The following CCDC88C variants were observed in gnomAD, a reference collection of about 807,000 sequenced individuals.
CCDC88C encodes the protein coiled-coil and HOOK domain protein 88C.
Under a neutral mutation model 198.8 loss-of-function variants are expected in CCDC88C, and 131 were observed. The observed-to-expected ratio is 0.66, with a 90% confidence interval of 0.57 to 0.76. CCDC88C has a LOEUF of 0.76. Among genes scored for constraint, CCDC88C ranks in the 30% least tolerant of loss-of-function variants. The pLI is 0.00. For missense variants in CCDC88C, 2,553 were observed against 2,631.6 expected, an observed-to-expected ratio of 0.97 and a Z score of 0.65; for synonymous variants, 1,166 against 1,114.7, an observed-to-expected ratio of 1.05 and a Z score of -0.92.
At position 91,314,012 on chromosome 14, in the gene CCDC88C, C is replaced by T. The variant is rs772884679; in HGVS notation, c.1804G>A (p.Ala602Thr). The change falls in exon 15 of 30, where the codon GCC (alanine) becomes ACC (threonine). Residue 602 changes from alanine to threonine, a missense_variant. Ala to Thr is a moderately conservative substitution (Grantham distance 58). Transcript: ENST00000389857. ...NKALHQTVTE[A>T]NGKLSQLEFE... ...TCCAACTGGCTGAGCTTGCCATTGG[C>T]CTCCGTCACCGTCTGGTGGAGGGCT... The T allele has an allele frequency of 6.2e-7, 1 of 1,613,938 alleles. No individual in the cohort carries two copies. Among genetic ancestry groups the T allele is most frequent in the Non-Finnish European group, 8.5e-7 (1 of 1,179,872 alleles).
At chr14:91,297,172 T>C (rs1891043197) in intron 22 of CCDC88C, 133 bp downstream of exon 22, 7 of 925,432 alleles carry the variant, frequency 7.6e-6, no homozygotes, top group Non-Finnish European at 1.1e-5. Context: ...CCGCAGCCTC[T>C]GTGCCACCTC....
intron 2 of CCDC88C, among the ~76,000 whole-genome samples, chr14:91,412,189 T>C (rs1596175980): frequency 6.6e-6 from 1 of 151,828 alleles, no homozygotes; most frequent in Middle Eastern, 3.4e-3. Context: ...ATGCTAAATG[T>C]TTTTATATAT....
rs1892343209 is a variant in CCDC88C at position 91,321,232 on chromosome 14, T to G, written c.1415A>C (p.Asn472Thr). 1 of 1,602,602 alleles carries G rather than the reference T, an allele frequency of 6.2e-7. No homozygotes were observed. The highest frequency in any genetic ancestry group is 1.3e-5 in the African/African-American group (1 of 74,654). ...CTGGATGGTGCTCTGGAGGCTCTGA[T>G]TCTCCTTCTCCAGCTTCAGGATGCG... ...SSRILKLEKE[N>T]QSLQSTIQGL... Residue 472 changes from asparagine to threonine, a missense_variant, in exon 13 of 30, where the codon AAT (asparagine) becomes ACT (threonine). By Grantham distance (65) the Asn-to-Thr change is moderately conservative (BLOSUM62 0). This residue lies in a region of CCDC88C where 1,260 missense variants were observed against 1,412.0 expected (regional missense o/e 0.89). Transcript: ENST00000389857.
intron 26 of CCDC88C, among the ~76,000 whole-genome samples, chr14:91,283,066 G>A (rs1890261979): frequency 6.6e-6 from 1 of 152,344 alleles, no homozygotes; most frequent in South Asian, 2.1e-4. Context: ...GCTATTTGGT[G>A]CCTTCATTTC....
Position 91,338,739 on chromosome 14 carries a change from T to G in CCDC88C, c.810-169A>C. 5.0e-6 allele frequency: 3 copies of G among 601,376 alleles called. No individual in the cohort carries two copies. The South Asian group carries it at 6.0e-5, about 12-fold the overall frequency. The allele number at this position is 601,376 out of a possible 1,614,324, so 37.3% of individuals were successfully genotyped here. A position where few individuals can be genotyped will look rare whatever the true frequency, so the allele number is the denominator to read the frequency against. ...CTGCAAAAATGTTACTGACTCAAAA[T>G]TCTTTTCTTTTCATAAGTTTGCAAC... On this transcript the variant is annotated intron_variant, in intron 8 of 29. Transcript: ENST00000389857. The surrounding 1 kb of genome is among the most constrained non-coding windows in gnomAD (Gnocchi z 4.8).
chr14:91,321,237 C>T lies in CCDC88C; in HGVS notation c.1410G>A (p.Lys470=), dbSNP rs1892343459. The change falls in exon 13 of 30, where the codon AAG becomes AAA. Residue 470 remains lysine (K), a synonymous_variant. Coordinates refer to ENST00000389857, the MANE Select transcript of CCDC88C (RefSeq NM_001080414.4). ...CASSRILKLE[K]ENQSLQSTIQ... is the part of the protein sequence containing the mutation. Reference sequence around the variant, plus strand: ...TGGTGCTCTGGAGGCTCTGATTCTCCTTCTCCAGCTTCAGGATGCGGCTGG... The same window carrying T: ...TGGTGCTCTGGAGGCTCTGATTCTCTTTCTCCAGCTTCAGGATGCGGCTGG... 1 of 1,599,538 alleles carries T rather than the reference C, an allele frequency of 6.3e-7. No individual in the cohort carries two copies. The highest frequency in any genetic ancestry group is 2.3e-5 in the East Asian group (1 of 44,138).
intron 3 of CCDC88C, among the ~76,000 whole-genome samples, chr14:91,391,166 A>T (rs1664709698): frequency 6.6e-6 from 1 of 151,958 alleles, no homozygotes; most frequent in African/African-American, 2.4e-5. Context: ...GTTGAGCCTC[A>T]TGCTGGACCC....
rs1457211668 is a variant in CCDC88C, at chr14:91,278,016, T to C, written c.4964A>G (p.Tyr1655Cys). ...GAQKRGTAPP[Y>C]VGVRPCSASP... is the part of the protein sequence containing the mutation. ...GGCCGAGCAGGGCCGCACTCCGACG[T>C]AGGGAGGGGCTGTGCCCCTCTTCTG... Residue 1655 changes from tyrosine to cysteine, a missense_variant, in exon 29 of 30, where the codon TAC (tyrosine) becomes TGC (cysteine). By Grantham distance (194) the Tyr-to-Cys change is radical. Around this residue, in one of 2 missense-constraint regions of CCDC88C, gnomAD observed 1,293 missense variants for 1,219.6 expected, o/e 1.06. Transcript: ENST00000389857. The C allele has an allele frequency of 3.8e-6, 6 of 1,596,944 alleles. No individual in the cohort carries two copies. The highest frequency in any genetic ancestry group is 2.3e-5 in the South Asian group (2 of 88,678).
chr14:91,280,140 T>C (rs1890139187), intron 27 of CCDC88C, among the ~76,000 whole-genome samples: 1 of 152,204 alleles, frequency 6.6e-6, no homozygotes, highest in South Asian at 2.1e-4. Flanking sequence ...ATGTCTACGC[T>C]GCTGTGCTAT....
At chr14:91,407,022 A>T (rs79156771) in intron 3 of CCDC88C, among the ~76,000 whole-genome samples, 1 of 152,030 alleles carries the variant, frequency 6.6e-6, no homozygotes, top group East Asian at 1.9e-4. Flanking sequence ...CCCTCTCCCA[A>T]TGGTCTCTGG....
At chr14:91,368,564 C>G (rs1894644525) in intron 3 of CCDC88C, among the ~76,000 whole-genome samples, 1 of 152,148 alleles carries the variant, frequency 6.6e-6, no homozygotes, top group South Asian at 2.1e-4. Context: ...ACAGGAAAGG[C>G]CCCACACGTA....
At chr14:91,402,073 G>C (rs1393421360) in intron 3 of CCDC88C, among the ~76,000 whole-genome samples, 6 of 152,118 alleles carry the variant, frequency 3.9e-5, no homozygotes, top group Non-Finnish European at 8.8e-5. Flanking sequence ...CCAGGAGTTT[G>C]AGACCAGCCT....
At chr14:91,342,256 G>T in intron 6 of CCDC88C, 124 bp downstream of exon 6, 1 of 606,742 alleles carries the variant, frequency 1.6e-6, no homozygotes, top group South Asian at 2.1e-5. Context: ...TGAAACCTAA[G>T]ATTAGCAAAA....
intron 16 of CCDC88C, 48 bp from the exon 17 acceptor site, chr14:91,308,540 G>C: frequency 6.3e-7 from 1 of 1,586,156 alleles, no homozygotes; most frequent in Non-Finnish European, 8.6e-7. Context: ...CTTCCTCTCC[G>C]CAAGTTCCCA....
chr14:91,354,943 C>T (rs904844909), intron 4 of CCDC88C, among the ~76,000 whole-genome samples: 9 of 152,174 alleles, frequency 5.9e-5, no homozygotes, highest in Admixed American at 2.0e-4. Context: ...GAAGACAGGG[C>T]GTGTGGCAGG....
At chr14:91,312,950 T>A in intron 15 of CCDC88C, 130 bp downstream of exon 15, 1 of 679,132 alleles carries the variant, frequency 1.5e-6, no homozygotes, top group Non-Finnish European at 2.4e-6. Flanking sequence ...CCTTTAGGTA[T>A]TGCTGTTTAG....
chr14:91,305,005 G>A (rs1394418419), intron 19 of CCDC88C, among the ~76,000 whole-genome samples: 1 of 152,192 alleles, frequency 6.6e-6, no homozygotes, highest in African/African-American at 2.4e-5. Context: ...CACTTTGGGA[G>A]GTGAGGTGGG....
intron 10 of CCDC88C, among the ~76,000 whole-genome samples, chr14:91,337,616 T>C (rs150763117): frequency 9.8e-4 from 150 of 152,356 alleles, no homozygotes; most frequent in African/African-American, 3.4e-3. Context: ...GCTGGGAATA[T>C]AGGCGTGAGC....
At chr14:91,369,988 A>G (rs1894717205) in intron 3 of CCDC88C, among the ~76,000 whole-genome samples, 2 of 152,242 alleles carry the variant, frequency 1.3e-5, no homozygotes, top group South Asian at 4.1e-4. Flanking sequence ...TTGTGGCTGC[A>G]TTCACAGAAA....
Sources: allele counts gnomAD v4.1 joint callset (sites outside exome capture counted in the v4.1 genomes callset), GRCh38; gene constraint gnomAD v4.1.1; regional missense constraint gnomAD v4.1.1; non-coding constraint Gnocchi (gnomAD v3.1); transcripts MANE v1.5; gene names NCBI Gene and HGNC (gene_info 2026-07-23, HGNC 2026-07-21).